ATRNL1: variants seen among roughly 807,000 people sequenced by gnomAD.
The protein encoded by ATRNL1 is attractin-like protein 1.
ATRNL1 carries 95 observed loss-of-function variants against 182.7 expected under a neutral mutation model. The observed-to-expected ratio is 0.52, with a 90% CI of 0.44 to 0.62. The LOEUF (loss-of-function observed/expected upper bound fraction) is 0.62, where lower values mean the gene tolerates loss of function less well. ATRNL1 is among the 20% of genes least tolerant of loss of function. ATRNL1 has a pLI of 0.00. For synonymous variants in ATRNL1, 576 were observed against 568.3 expected, an observed-to-expected ratio of 1.01 and a Z score of -0.19; for missense variants, 1,471 against 1,679.5, an observed-to-expected ratio of 0.88 and a Z score of 2.17.
intron 28 of ATRNL1, among the ~76,000 whole-genome samples, chr10:115,917,140 C>T (rs1419119801): frequency 1.3e-5 from 2 of 152,134 alleles, no homozygotes; most frequent in African/African-American, 4.8e-5. Context: ...GGCTGTGCTA[C>T]CTTGGGCACT....
chr10:115,281,240 ATTTGGAG>A (rs1852345885), intron 13 of ATRNL1, 108 bp from the exon 14 acceptor site: 1 of 806,062 alleles, frequency 1.2e-6, no homozygotes, highest in African/African-American at 1.8e-5. Flanking sequence ...GTTGAATTGT[ATTTGGAG>A]TTAGAAATGT....
chr10:115,108,273 G>C (rs559777318), intron 1 of ATRNL1, among the ~76,000 whole-genome samples: 2 of 152,268 alleles, frequency 1.3e-5, no homozygotes, highest in Non-Finnish European at 2.9e-5. Context: ...AGATATCCTA[G>C]TGAAGTGGCT....
At chr10:115,356,646 C>G (rs1389457303) in intron 19 of ATRNL1, among the ~76,000 whole-genome samples, 1 of 151,758 alleles carries the variant, frequency 6.6e-6, no homozygotes, top group East Asian at 1.9e-4. Flanking sequence ...CCAAAGTTCC[C>G]CTGGGGAACT....
intron 26 of ATRNL1, among the ~76,000 whole-genome samples, chr10:115,647,118 A>T (rs571355705): frequency 1.3e-5 from 2 of 152,016 alleles, no homozygotes; most frequent in East Asian, 3.9e-4. Flanking sequence ...TGTCCCTACA[A>T]AGGACATGAA....
At chr10:115,627,658 C>A (rs901626278) in intron 26 of ATRNL1, among the ~76,000 whole-genome samples, 10 of 152,074 alleles carry the variant, frequency 6.6e-5, no homozygotes, top group African/African-American at 2.4e-4. Flanking sequence ...AGCTACTGCA[C>A]CCCACCTCAT....
Position 115,948,829 on chromosome 10 carries a change from A to G in ATRNL1, c.*4050A>G, listed in dbSNP as rs1555126695. On this transcript the variant is annotated 3_prime_UTR_variant, in exon 29 of 29. Coordinates refer to ENST00000355044, the MANE Select transcript of ATRNL1 (RefSeq NM_207303.4). ...TCAAAATTTTTTGAAATTAAGAATTAGAACCAGAGCTCCTATCAGTATATA... is the reference window on the plus strand; with the variant it reads ...TCAAAATTTTTTGAAATTAAGAATTGGAACCAGAGCTCCTATCAGTATATA... The G allele has an allele frequency of 6.6e-6, 1 of 152,180 alleles. No homozygotes were observed. The highest frequency in any genetic ancestry group is 1.5e-5 in the Non-Finnish European group (1 of 68,050). The allele number at this position is 152,180 out of a possible 1,614,324, so 9.4% of individuals were successfully genotyped here.
At chr10:115,269,997 T>C (rs1851772228) in intron 13 of ATRNL1, among the ~76,000 whole-genome samples, 1 of 151,880 alleles carries the variant, frequency 6.6e-6, no homozygotes, top group African/African-American at 2.4e-5. Flanking sequence ...ATACAAGTTG[T>C]TTTAATAACA....
intron 27 of ATRNL1, among the ~76,000 whole-genome samples, chr10:115,808,451 A>G (rs78790750): frequency 0.038 from 5,831 of 152,150 alleles, 326 homozygotes; most frequent in African/African-American, 0.12. Context: ...GCTTGTTTCT[A>G]GTTTGGAGCT....
At chr10:115,800,147 C>G (rs1202464483) in intron 27 of ATRNL1, among the ~76,000 whole-genome samples, 1 of 151,204 alleles carries the variant, frequency 6.6e-6, no homozygotes, top group Non-Finnish European at 1.5e-5. Flanking sequence ...TTGAACCCCA[C>G]GAGATGGAGG....
At chr10:115,182,407 A>G (rs1847782615) in intron 8 of ATRNL1, among the ~76,000 whole-genome samples, 1 of 151,450 alleles carries the variant, frequency 6.6e-6, no homozygotes, top group Non-Finnish European at 1.5e-5. Context: ...CAAAAGAAAT[A>G]AAAGCAAAGA....
intron 27 of ATRNL1, among the ~76,000 whole-genome samples, chr10:115,809,035 A>C (rs1949987223): frequency 1.3e-5 from 2 of 152,006 alleles, no homozygotes; most frequent in South Asian, 4.1e-4. Flanking sequence ...TTAATGTTGT[A>C]TGTGATAAGG....
At chr10:115,900,652 G>C (rs1555113397) in intron 28 of ATRNL1, among the ~76,000 whole-genome samples, 2 of 152,120 alleles carry the variant, frequency 1.3e-5, no homozygotes. Flanking sequence ...GCACAAAGAA[G>C]TTAGGGAACT....
chr10:115,249,293 C>T (rs1850773592), intron 10 of ATRNL1, among the ~76,000 whole-genome samples: 2 of 151,814 alleles, frequency 1.3e-5, no homozygotes, highest in Admixed American at 1.3e-4. Flanking sequence ...CGTGCCTGGC[C>T]AAAAGATTTT....
rs1259425164 is a variant in ATRNL1 at position 115,389,590 on chromosome 10, ATTTCATCCAATGATGGACACC to A, written c.3176-5067_3176-5047del. Among the ~76,000 whole-genome samples, 74 of 99,832 alleles carry A rather than the reference ATTTCATCCAATGATGGACACC, an allele frequency of 7.4e-4. 3 individuals are homozygous for A. Among genetic ancestry groups the A allele is most frequent in the African/African-American group, 3.1e-3 (70 of 22,752 alleles). The allele number at this position is 99,832 out of a possible 152,430, so 65.5% of individuals were successfully genotyped here. ...TATATATATATATATATATATATAT[ATTTCATCCAATGATGGACACC>A]TAGGTTGCATCTATATTGTAGCTAT... is the stretch of plus-strand genomic sequence containing the variant. On this transcript the variant is annotated intron_variant, in intron 19 of 28. Coordinates refer to ENST00000355044, the MANE Select transcript of ATRNL1 (RefSeq NM_207303.4).
chr10:115,590,917 C>T (rs1022393062), intron 26 of ATRNL1, among the ~76,000 whole-genome samples: 3 of 152,160 alleles, frequency 2.0e-5, no homozygotes, highest in Admixed American at 2.0e-4. Context: ...GGGAACAACT[C>T]CCTAGTTATT....
intron 19 of ATRNL1, among the ~76,000 whole-genome samples, chr10:115,358,544 C>T (rs1334683603): frequency 6.6e-6 from 1 of 151,482 alleles, no homozygotes; most frequent in Non-Finnish European, 1.5e-5. Flanking sequence ...ATTGATTATA[C>T]CAGGTACATT....
At chr10:115,559,451 C>T (rs111655898) in intron 26 of ATRNL1, among the ~76,000 whole-genome samples, 2,727 of 74,026 alleles carry the variant, frequency 0.037, 56 homozygotes, top group East Asian at 0.12. Flanking sequence ...TGTGCGCGCG[C>T]GCACGCACGC....
chr10:115,383,059 C>T (rs1858115259), intron 19 of ATRNL1, among the ~76,000 whole-genome samples: 1 of 150,724 alleles, frequency 6.6e-6, no homozygotes, highest in Non-Finnish European at 1.5e-5. Flanking sequence ...GATGAAAGAA[C>T]ATTGGATTTT....
chr10:115,940,859 T>G (rs534966222), intron 28 of ATRNL1, among the ~76,000 whole-genome samples: 7 of 152,286 alleles, frequency 4.6e-5, no homozygotes, highest in African/African-American at 1.7e-4. Context: ...ATATTTAACA[T>G]GAAGAAATGC....
Sources: gnomAD v4.1 joint callset for allele counts (sites outside exome capture counted in the v4.1 genomes callset) on GRCh38, gnomAD v4.1.1 for gene constraint, MANE v1.5 for transcripts, NCBI Gene and HGNC (gene_info 2026-07-23, HGNC 2026-07-21) for gene names.